Variants in CATSPERT observed in about 807,000 individuals in gnomAD.
CATSPERT encodes catsper channel auxiliary subunit tau.
the CATSPERT span, chr2:201,492,795 C>T: frequency 6.5e-7 from 1 of 1,536,500 alleles, no homozygotes; most frequent in East Asian, 2.5e-5. Flanking sequence ...TCATCAGATA[C>T]AGATTTTGAT....
the CATSPERT span, chr2:201,493,337 C>T: frequency 6.5e-7 from 1 of 1,536,752 alleles, no homozygotes; most frequent in South Asian, 1.2e-5. Context: ...GCTCTACTAA[C>T]AGAAGTAGTG....
chr2:201,605,162 G>C, the CATSPERT span, among the ~76,000 whole-genome samples: 1 of 151,638 alleles, frequency 6.6e-6, no homozygotes, highest in Non-Finnish European at 1.5e-5. Flanking sequence ...GGGACAGAAA[G>C]CAAGGAAAGA....
At chr2:201,603,906 T>C in the CATSPERT span, among the ~76,000 whole-genome samples, 1 of 152,204 alleles carries the variant, frequency 6.6e-6, no homozygotes, top group Non-Finnish European at 1.5e-5. Context: ...AGAAATATTA[T>C]ATTAAACATT....
chr2:201,582,464 A>C, the CATSPERT span, among the ~76,000 whole-genome samples: 1 of 152,142 alleles, frequency 6.6e-6, no homozygotes, highest in East Asian at 1.9e-4. Flanking sequence ...TCTTGCTTAT[A>C]TCTAACGGCA....
At chr2:201,618,775 T>C in the CATSPERT span, 3 of 655,708 alleles carry the variant, frequency 4.6e-6, no homozygotes, top group South Asian at 2.3e-5. Context: ...ATTAAAGGGT[T>C]CAATGTGTGC....
At chr2:201,562,510 A>C in the CATSPERT span, among the ~76,000 whole-genome samples, 5 of 111,166 alleles carry the variant, frequency 4.5e-5, no homozygotes, top group South Asian at 6.3e-4. Flanking sequence ...TTCTTTATTT[A>C]TTTATTTATT....
chr2:201,518,594 G>A, the CATSPERT span, among the ~76,000 whole-genome samples: 8 of 152,334 alleles, frequency 5.3e-5, no homozygotes, highest in African/African-American at 7.2e-5. Context: ...AGTGGTGTAC[G>A]AAAGGTGTGT....
At chr2:201,615,064 T>C in the CATSPERT span, among the ~76,000 whole-genome samples, 2 of 152,110 alleles carry the variant, frequency 1.3e-5, no homozygotes, top group Admixed American at 6.6e-5. Context: ...AGCAAGTCCT[T>C]AGAGACCTAC....
chr2:201,490,406 A>G, the CATSPERT span, among the ~76,000 whole-genome samples: 1 of 152,224 alleles, frequency 6.6e-6, no homozygotes, highest in East Asian at 1.9e-4. Context: ...TTGTAGTTAT[A>G]TCTCTATGAA....
the CATSPERT span, among the ~76,000 whole-genome samples, chr2:201,523,558 A>G: frequency 6.6e-6 from 1 of 152,210 alleles, no homozygotes. Context: ...TGAACCAGTG[A>G]AAGAACTCTG....
At chr2:201,572,298 T>C in the CATSPERT span, among the ~76,000 whole-genome samples, 1 of 152,102 alleles carries the variant, frequency 6.6e-6, no homozygotes, top group Admixed American at 6.5e-5. Flanking sequence ...ATTCTACAGA[T>C]GATACTGAAG....
chr2:201,619,116 T>C, the CATSPERT span: 4 of 1,614,130 alleles, frequency 2.5e-6, no homozygotes, highest in East Asian at 2.2e-5. Flanking sequence ...TATTTGTCTC[T>C]TGGGGTGGCT....
the CATSPERT span, chr2:201,575,259 G>T: frequency 6.4e-7 from 1 of 1,560,538 alleles, no homozygotes; most frequent in Admixed American, 1.9e-5. Context: ...ATAAAACTTA[G>T]GAAGTTTCAG....
chr2:201,495,800 C>T, the CATSPERT span: 3 of 666,192 alleles, frequency 4.5e-6, no homozygotes, highest in Non-Finnish European at 6.9e-6. Context: ...CCAGGTGTTT[C>T]TAATGAGTAG....
At chr2:201,615,512 A>C in the CATSPERT span, among the ~76,000 whole-genome samples, 1 of 152,244 alleles carries the variant, frequency 6.6e-6, no homozygotes, top group African/African-American at 2.4e-5. Flanking sequence ...AACCAATGAG[A>C]GCAAAGACAC....
the CATSPERT span, among the ~76,000 whole-genome samples, chr2:201,578,603 T>C: frequency 1.3e-5 from 2 of 152,164 alleles, no homozygotes; most frequent in South Asian, 4.1e-4. Context: ...TTTATAAGAA[T>C]GAATTGGAAA....
the CATSPERT span, among the ~76,000 whole-genome samples, chr2:201,581,455 T>C: frequency 8.7e-6 from 1 of 114,522 alleles, no homozygotes; most frequent in Non-Finnish European, 1.8e-5. Flanking sequence ...TATATATATA[T>C]GTATACACAC....
chr2:201,573,267 T>C, the CATSPERT span, among the ~76,000 whole-genome samples: 66,414 of 152,050 alleles, frequency 0.44, 15,131 homozygotes, highest in East Asian at 0.75. Flanking sequence ...GGACCTATGG[T>C]AGTGAATTTA....
chr2:201,584,706 C>T, the CATSPERT span, among the ~76,000 whole-genome samples: 1 of 151,770 alleles, frequency 6.6e-6, no homozygotes, highest in South Asian at 2.1e-4. Flanking sequence ...TCGCTTGAAC[C>T]CGGGAGGCAG....
Sources: allele counts gnomAD v4.1 joint callset (sites outside exome capture counted in the v4.1 genomes callset), GRCh38; gene constraint gnomAD v4.1.1; transcripts MANE v1.5; gene names NCBI Gene and HGNC (gene_info 2026-07-23, HGNC 2026-07-21).